HIVEP3: variants seen among roughly 807,000 people sequenced by gnomAD.
The protein encoded by HIVEP3 is HIVEP zinc finger 3, also known as transcription factor HIVEP3.
A neutral mutation model predicts 152.8 loss-of-function variants in HIVEP3; 49 were observed. That is an observed-to-expected ratio of 0.32 (90% CI 0.26 to 0.41). HIVEP3 has a LOEUF of 0.41. Ranked by LOEUF, HIVEP3 falls within the 10% of genes least tolerant of loss-of-function variation. The pLI, the probability that HIVEP3 is intolerant of heterozygous loss-of-function variation, is 1.00. For missense variants in HIVEP3, 2,790 were observed against 3,103.3 expected, an observed-to-expected ratio of 0.90 and a Z score of 2.40; for synonymous variants, 1,269 against 1,289.0, an observed-to-expected ratio of 0.98 and a Z score of 0.33.
chr1:41,752,054 C>G (rs967436873), intron 1 of HIVEP3, among the ~76,000 whole-genome samples: 1 of 152,216 alleles, frequency 6.6e-6, no homozygotes, highest in Non-Finnish European at 1.5e-5. Context: ...TATGTCATCA[C>G]TCAGGGGTGT....
chr1:41,628,656 T>C, intron 3 of HIVEP3, 93 bp downstream of exon 3: 1 of 958,592 alleles, frequency 1.0e-6, no homozygotes, highest in Non-Finnish European at 1.4e-6. Flanking sequence ...ATAACAATAA[T>C]ACATTTTTCA....
chr1:41,812,860 T>G (rs1220711260), intron 1 of HIVEP3, among the ~76,000 whole-genome samples: 4 of 110,836 alleles, frequency 3.6e-5, no homozygotes, highest in African/African-American at 1.4e-4. Context: ...GCTCCTTAAA[T>G]GCAGCCTAGC....
At chr1:42,010,513 G>A (rs1288328912) in intron 1 of HIVEP3, among the ~76,000 whole-genome samples, 1 of 152,116 alleles carries the variant, frequency 6.6e-6, no homozygotes. Context: ...TGCAGGTAGG[G>A]AGCAAGCAAG....
intron 1 of HIVEP3, among the ~76,000 whole-genome samples, chr1:41,822,075 G>A (rs973231323): frequency 1.3e-5 from 2 of 152,188 alleles, no homozygotes; most frequent in Non-Finnish European, 2.9e-5. Flanking sequence ...CTCAGTGAGG[G>A]CAGCTTGTCT....
rs1379711040 is a variant in HIVEP3, at chr1:41,582,383, G to T, written c.2415C>A (p.Ser805=). The T allele has an allele frequency of 3.1e-6, 5 of 1,614,118 alleles. No homozygotes were observed. The highest frequency in any genetic ancestry group is 4.2e-6 in the Non-Finnish European group (5 of 1,180,038). ...KEISVIQHTS[S]FEKSDSLEQP... ...GCTCGAGAGAATCAGATTTCTCAAAGGAGCTGGTGTGCTGGATGACAGAAA... is the reference window on the plus strand; with the variant it reads ...GCTCGAGAGAATCAGATTTCTCAAATGAGCTGGTGTGCTGGATGACAGAAA... Residue 805 remains serine (S), a synonymous_variant, in exon 4 of 9, where the codon TCC becomes TCA. Transcript: ENST00000372583. The surrounding 1 kb of genome is among the most constrained non-coding windows in gnomAD (Gnocchi z 4.7).
At chr1:41,953,633 G>T (rs975922572) in intron 1 of HIVEP3, among the ~76,000 whole-genome samples, 8 of 152,126 alleles carry the variant, frequency 5.3e-5, no homozygotes, top group African/African-American at 1.9e-4. Flanking sequence ...AAATGTCTGA[G>T]AAATGAATGA....
At chr1:41,658,763 T>A (rs1158796785) in intron 2 of HIVEP3, among the ~76,000 whole-genome samples, 1 of 151,992 alleles carries the variant, frequency 6.6e-6, no homozygotes, top group Non-Finnish European at 1.5e-5. Flanking sequence ...TAAGGGAGAG[T>A]GCTCTGCAGC....
chr1:41,765,172 G>A (rs1248537799), intron 1 of HIVEP3, among the ~76,000 whole-genome samples: 1 of 152,146 alleles, frequency 6.6e-6, no homozygotes, highest in Non-Finnish European at 1.5e-5. Flanking sequence ...CTAGATTTCT[G>A]AGTGTACTTT....
intron 1 of HIVEP3, among the ~76,000 whole-genome samples, chr1:41,759,957 G>C (rs983423230): frequency 6.6e-6 from 1 of 152,196 alleles, no homozygotes; most frequent in African/African-American, 2.4e-5. Flanking sequence ...CTATTGTTCA[G>C]TGATGGTAAA....
intron 1 of HIVEP3, among the ~76,000 whole-genome samples, chr1:42,030,310 C>G (rs1162717668): frequency 6.6e-6 from 1 of 152,094 alleles, no homozygotes; most frequent in Non-Finnish European, 1.5e-5. Flanking sequence ...ATGTGTGGCC[C>G]AAGACAATTC....
At chr1:41,791,121 T>TACACGTAC (rs973029793) in intron 1 of HIVEP3, among the ~76,000 whole-genome samples, 1 of 140,734 alleles carries the variant, frequency 7.1e-6, no homozygotes, top group Non-Finnish European at 1.6e-5. Context: ...CACACATGTG[T>TACACGTAC]ACACACACAC....
At position 41,664,439 on chromosome 1, in the gene HIVEP3, T is replaced by C. The variant is rs1253960754; in HGVS notation, c.-720-35492A>G. On this transcript the variant is annotated intron_variant, in intron 2 of 8. Coordinates refer to ENST00000372583, the MANE Select transcript of HIVEP3 (RefSeq NM_024503.5). This position sits in a 1 kb window ranked among gnomAD's most constrained non-coding sequence, Gnocchi z 4.4. ...GGCCTCAAGGGACCCTCCCAATGGA[T>C]TTGGTCACCTTCCATGATGCCACAG... 6.6e-6 allele frequency among the ~76,000 whole-genome samples: 1 copy of C among 152,154 alleles called. No homozygotes were observed. Among genetic ancestry groups the C allele is most frequent in the East Asian group, 1.9e-4 (1 of 5,194 alleles).
rs574329825 is a variant in HIVEP3, at chr1:41,647,907, G to A, written c.-720-18960C>T. ...GGCCTCTGGGAGGCCCCTGACTGGT[G>A]AGGCCCTGCCTGGTGGGCCTGGGAC... On this transcript the variant is annotated intron_variant, in intron 2 of 8. Transcript: ENST00000372583. 7.2e-5 allele frequency among the ~76,000 whole-genome samples: 11 copies of A among 152,316 alleles called. No homozygotes were observed. In the South Asian group the frequency reaches 2.1e-3, roughly 29 times the overall value.
chr1:41,814,440 T>C (rs1039028653), intron 1 of HIVEP3, among the ~76,000 whole-genome samples: 2 of 152,126 alleles, frequency 1.3e-5, no homozygotes, highest in Admixed American at 6.5e-5. Flanking sequence ...TATGAGTAAA[T>C]GTAGACCCAT....
chr1:41,675,051 C>A (rs181985338), intron 2 of HIVEP3, among the ~76,000 whole-genome samples: 20 of 152,254 alleles, frequency 1.3e-4, no homozygotes, highest in Admixed American at 3.3e-4. Context: ...ATAGAACCAT[C>A]CTCCCATGGG....
At chr1:41,810,130 C>T (rs1235486341) in intron 1 of HIVEP3, among the ~76,000 whole-genome samples, 1 of 152,174 alleles carries the variant, frequency 6.6e-6, no homozygotes, top group African/African-American at 2.4e-5. Flanking sequence ...CCCTCCATCT[C>T]ACAGATAGTC....
chr1:41,923,347 A>G (rs1197565613), upstream of HIVEP3, among the ~76,000 whole-genome samples: 3 of 152,234 alleles, frequency 2.0e-5, no homozygotes, highest in Non-Finnish European at 2.9e-5. Flanking sequence ...AAACACGGAT[A>G]AACCTAGAGG....
chr1:41,527,335 T>TG (rs1643012417), intron 5 of HIVEP3, among the ~76,000 whole-genome samples: 4 of 37,816 alleles, frequency 1.1e-4, no homozygotes, highest in Non-Finnish European at 1.7e-4. Context: ...CACACACACA[T>TG]CCCACCTTCA....
chr1:41,837,168 C>T (rs1022442795), intron 1 of HIVEP3, among the ~76,000 whole-genome samples: 1 of 152,180 alleles, frequency 6.6e-6, no homozygotes. Context: ...GCTCTTCCTA[C>T]TGCTAGGAAT....
Sources: allele counts gnomAD v4.1 joint callset (sites outside exome capture counted in the v4.1 genomes callset), GRCh38; gene constraint gnomAD v4.1.1; non-coding constraint Gnocchi (gnomAD v3.1); transcripts MANE v1.5; gene names NCBI Gene and HGNC (gene_info 2026-07-23, HGNC 2026-07-21).